The following NCK1 variants were observed in gnomAD, a reference collection of about 807,000 sequenced individuals.
NCK1 encodes the protein SH2/SH3 adapter protein NCK1.
A neutral mutation model predicts 36.6 loss-of-function variants in NCK1; 19 were observed. The observed-to-expected ratio is 0.52, with a 90% CI of 0.36 to 0.76. The LOEUF (loss-of-function observed/expected upper bound fraction) is 0.76. NCK1 is among the 30% of genes least tolerant of loss of function. The probability of loss-of-function intolerance (pLI) is 0.00; values close to 1 mark genes in which losing one functional copy is unlikely to be tolerated. For synonymous variants in NCK1, 165 were observed against 156.0 expected (o/e 1.06, Z -0.43); for missense variants, 358 against 445.6 (o/e 0.80, Z 1.77).
At chr3:136,944,694 C>T (rs559815597) in intron 2 of NCK1, among the ~76,000 whole-genome samples, 7 of 152,124 alleles carry the variant, frequency 4.6e-5, no homozygotes, top group South Asian at 2.1e-4. Context: ...GAGTGAAGAA[C>T]GAGAGTGAGG....
intron 1 of NCK1, among the ~76,000 whole-genome samples, chr3:136,916,868 G>C (rs1293177305): frequency 6.6e-6 from 1 of 152,098 alleles, no homozygotes; most frequent in Admixed American, 6.5e-5. Context: ...CTGGGAGGTT[G>C]GTATGACAGG....
At chr3:136,899,199 T>C in intron 1 of NCK1, 1 of 229,476 alleles carries the variant, frequency 4.4e-6, no homozygotes, top group Non-Finnish European at 9.1e-6. Flanking sequence ...TACTTCCAGA[T>C]GCTGGTAGAA....
intron 2 of NCK1, among the ~76,000 whole-genome samples, chr3:136,932,159 C>T (rs1288744746): frequency 1.3e-5 from 2 of 149,914 alleles, no homozygotes; most frequent in Non-Finnish European, 3.0e-5. Flanking sequence ...ATCATTGATA[C>T]AGTGATTCAA....
chr3:136,872,461 G>T lies in NCK1; in HGVS notation c.-19+10108G>T, dbSNP rs576240740. Among the ~76,000 whole-genome samples the T allele has an allele frequency of 3.9e-5, 6 of 152,330 alleles. No individual in the cohort carries two copies. In the South Asian group the frequency reaches 1.2e-3, roughly 32 times the overall value. On this transcript the variant is annotated intron_variant, in intron 1 of 3. Transcript: ENST00000481752. ...GTTAAAGGCATTCAGTTTTACAAGG[G>T]AGGCAGAGCATAAGTTTGGAAAATT... is the stretch of plus-strand genomic sequence containing the variant.
intron 1 of NCK1, among the ~76,000 whole-genome samples, chr3:136,896,661 A>T (rs1675503961): frequency 6.6e-6 from 1 of 152,004 alleles, no homozygotes; most frequent in African/African-American, 2.4e-5. Context: ...CACCTGGCTA[A>T]TTAAAAAAGA....
chr3:136,877,533 A>G (rs1334199126), intron 1 of NCK1, among the ~76,000 whole-genome samples: 1 of 152,220 alleles, frequency 6.6e-6, no homozygotes, highest in African/African-American at 2.4e-5. Context: ...AAGGCTAAAA[A>G]TAATTGAAAG....
intron 1 of NCK1, among the ~76,000 whole-genome samples, chr3:136,926,075 C>G (rs755249438): frequency 2.6e-5 from 4 of 152,084 alleles, no homozygotes; most frequent in Non-Finnish European, 4.4e-5. Context: ...TCTTTAATAG[C>G]TAATGATGAA....
chr3:136,947,995 T>C (rs1269675820), intron 3 of NCK1, among the ~76,000 whole-genome samples: 1 of 152,130 alleles, frequency 6.6e-6, no homozygotes, highest in Admixed American at 6.6e-5. Context: ...TAAGAGACTT[T>C]TGATTATGCA....
intron 1 of NCK1, among the ~76,000 whole-genome samples, chr3:136,906,448 G>T (rs143321080): frequency 8.9e-4 from 135 of 152,210 alleles, no homozygotes; most frequent in African/African-American, 2.8e-3. Context: ...TGCCAAGTAG[G>T]CCAGCTCTCA....
intron 1 of NCK1, among the ~76,000 whole-genome samples, chr3:136,881,059 C>T (rs1430519042): frequency 1.3e-5 from 2 of 152,078 alleles, no homozygotes; most frequent in African/African-American, 4.8e-5. Flanking sequence ...ATACTTGATA[C>T]CTTTCTTTTC....
chr3:136,915,501 C>G (rs953831186), intron 1 of NCK1, among the ~76,000 whole-genome samples: 1 of 152,090 alleles, frequency 6.6e-6, no homozygotes, highest in Non-Finnish European at 1.5e-5. Flanking sequence ...CCCTGTAACT[C>G]CAGTAGGTCT....
At chr3:136,876,568 T>A (rs1272094728) in intron 1 of NCK1, among the ~76,000 whole-genome samples, 2 of 151,988 alleles carry the variant, frequency 1.3e-5, no homozygotes, top group African/African-American at 2.4e-5. Flanking sequence ...AATCTAAAGG[T>A]TTTTTGTTTT....
intron 2 of NCK1, among the ~76,000 whole-genome samples, chr3:136,942,266 C>T (rs1404383274): frequency 6.6e-6 from 1 of 152,226 alleles, no homozygotes; most frequent in African/African-American, 2.4e-5. Context: ...TCTTTGTTGG[C>T]TCTTTTGCTT....
chr3:136,911,325 C>T (rs1011331074), intron 1 of NCK1, among the ~76,000 whole-genome samples: 15 of 152,150 alleles, frequency 9.9e-5, no homozygotes, highest in African/African-American at 3.6e-4. Flanking sequence ...GAGGACCCTC[C>T]ATACTCTTTT....
chr3:136,940,938 CA>C (rs1161882086), intron 2 of NCK1, among the ~76,000 whole-genome samples: 1 of 152,120 alleles, frequency 6.6e-6, no homozygotes, highest in Non-Finnish European at 1.5e-5. Context: ...AACCTATTTG[CA>C]TCTTTGTTTG....
chr3:136,904,106 G>T (rs143086280), intron 1 of NCK1, among the ~76,000 whole-genome samples: 1 of 152,046 alleles, frequency 6.6e-6, no homozygotes, highest in East Asian at 1.9e-4. Context: ...GGATAACTTT[G>T]CTGGGTATAG....
chr3:136,910,462 A>T (rs921784922), intron 1 of NCK1, among the ~76,000 whole-genome samples: 1 of 152,176 alleles, frequency 6.6e-6, no homozygotes, highest in Non-Finnish European at 1.5e-5. Flanking sequence ...TAGTAAAGTT[A>T]TGTTTAAAAA....
intron 1 of NCK1, among the ~76,000 whole-genome samples, chr3:136,916,612 T>C (rs966212208): frequency 2.6e-5 from 4 of 152,198 alleles, no homozygotes; most frequent in African/African-American, 9.7e-5. Context: ...TTATAGTCAG[T>C]GTTCTCTGTG....
chr3:136,916,962 T>A (rs995743737), intron 1 of NCK1, among the ~76,000 whole-genome samples: 1 of 152,114 alleles, frequency 6.6e-6, no homozygotes, highest in African/African-American at 2.4e-5. Flanking sequence ...ATAAGCATAT[T>A]TTGCTTATAG....
Sources: allele counts gnomAD v4.1 joint callset (sites outside exome capture counted in the v4.1 genomes callset), GRCh38; gene constraint gnomAD v4.1.1; transcripts MANE v1.5; gene names NCBI Gene and HGNC (gene_info 2026-07-23, HGNC 2026-07-21).